STAT5B: variants seen among roughly 807,000 people sequenced by gnomAD.
STAT5B encodes transcription factor STAT5B.
In STAT5B, 21 loss-of-function variants were observed where a neutral mutation model predicts 107.8. The ratio of observed to expected loss-of-function variants is 0.19; its 90% CI spans 0.14 to 0.28. The LOEUF (loss-of-function observed/expected upper bound fraction) is 0.28. STAT5B is among the 10% of genes least tolerant of loss of function. The pLI is 1.00. For missense variants in STAT5B, 565 were observed against 1,008.2 expected, an observed-to-expected ratio of 0.56 and a Z score of 5.95; for synonymous variants, 325 against 401.7, an observed-to-expected ratio of 0.81 and a Z score of 2.28.
At chr17:42,263,096 C>T (rs2080632631) in intron 1 of STAT5B, among the ~76,000 whole-genome samples, 1 of 142,540 alleles carries the variant, frequency 7.0e-6, no homozygotes. Context: ...AGTGCAATGG[C>T]ACCATTATAG....
intron 1 of STAT5B, among the ~76,000 whole-genome samples, chr17:42,259,363 A>G (rs1002699709): frequency 1.2e-4 from 19 of 152,164 alleles, no homozygotes; most frequent in African/African-American, 4.3e-4. Context: ...CTTCAAGGAC[A>G]TGGGTAATGC....
chr17:42,256,784 C>T (rs1176243059), intron 1 of STAT5B, among the ~76,000 whole-genome samples: 1 of 146,310 alleles, frequency 6.8e-6, no homozygotes, highest in Non-Finnish European at 1.5e-5. Flanking sequence ...ATGGCATGAA[C>T]CCAGGAAGCA....
Position 42,201,354 on chromosome 17 carries a change from C to T in STAT5B, c.*384G>A, listed in dbSNP as rs1168966318. The T allele has an allele frequency of 1.8e-6, 1 of 569,434 alleles. No homozygotes were observed. Among genetic ancestry groups the T allele is most frequent in the African/African-American group, 1.9e-5 (1 of 53,428 alleles). The allele number at this position is 569,434 out of a possible 1,614,324, so 35.3% of individuals were successfully genotyped here. On this transcript the variant is annotated 3_prime_UTR_variant, in exon 19 of 19. Transcript: ENST00000293328. ...TTTGTCCTTCTCTTATTCAAACAGC[C>T]ACATGTCAAAGTCCAGCCACTCTTA...
rs775177987 is a variant in STAT5B at position 42,201,741 on chromosome 17, C to T, written c.2361G>A (p.Ser787=). Residue 787 remains serine (S), a synonymous_variant, in exon 19 of 19, where the codon TCG becomes TCA. Transcript: ENST00000293328. ...TGAAGATGGAGAGGTCGCGGGGTCA[C>T]GATTGTGCGTGCGGGATCCACTGAC... ...MDSQWIPHAQ[S] 33 of 1,596,596 alleles carry T rather than the reference C, an allele frequency of 2.1e-5. No individual in the cohort carries two copies. The highest frequency in any genetic ancestry group is 2.6e-5 in the Non-Finnish European group (30 of 1,164,122).
chr17:42,284,743 CCGGTGTGTGCTGGG>C, the STAT5B span, among the ~76,000 whole-genome samples: 1 of 152,204 alleles, frequency 6.6e-6, no homozygotes, highest in Non-Finnish European at 1.5e-5. Context: ...CTTCACTCCG[CCGGTGTGTGCTGGG>C]CTTGGGGAAG....
chr17:42,205,673 A>G (rs1231731508), intron 16 of STAT5B, among the ~76,000 whole-genome samples: 1 of 152,106 alleles, frequency 6.6e-6, no homozygotes, highest in Non-Finnish European at 1.5e-5. Context: ...ACCTTGGGGG[A>G]CTGAGGAAGG....
At chr17:42,226,363 C>T (rs2080272176) in intron 3 of STAT5B, among the ~76,000 whole-genome samples, 1 of 152,142 alleles carries the variant, frequency 6.6e-6, no homozygotes, top group Non-Finnish European at 1.5e-5. Flanking sequence ...GGATTCTGGA[C>T]TGCAGCGGGG....
intron 5 of STAT5B, among the ~76,000 whole-genome samples, chr17:42,222,025 TGTGTG>T (rs1326520142): frequency 2.2e-5 from 3 of 137,998 alleles, no homozygotes; most frequent in South Asian, 2.4e-4. Context: ...TGGTGTGGTG[TGTGTG>T]GTGTGGTGTG....
chr17:42,217,961 C>T (rs756765535), intron 9 of STAT5B, 190 bp downstream of exon 9: 1 of 971,346 alleles, frequency 1.0e-6, no homozygotes, highest in East Asian at 2.7e-5. Flanking sequence ...CCACCTCGGC[C>T]TCTTAAAGTG....
At chr17:42,213,835 C>CT (rs573947935) in intron 12 of STAT5B, among the ~76,000 whole-genome samples, 118 of 144,932 alleles carry the variant, frequency 8.1e-4, no homozygotes, top group African/African-American at 2.8e-3. Context: ...AGCTGAAAGT[C>CT]TTTTTTTTAA....
chr17:42,278,903 C>T (rs1298063167), upstream of STAT5B, among the ~76,000 whole-genome samples: 1 of 151,570 alleles, frequency 6.6e-6, no homozygotes, highest in African/African-American at 2.4e-5. Flanking sequence ...TGCTTGAACC[C>T]GAGAGGCAGA....
chr17:42,237,831 G>A (rs974464683), intron 1 of STAT5B, among the ~76,000 whole-genome samples: 14 of 152,076 alleles, frequency 9.2e-5, no homozygotes, highest in African/African-American at 3.4e-4. Context: ...TTTGTACAAT[G>A]GGAATAATAA....
rs1443411044 is a variant in STAT5B, at chr17:42,207,517, A to G, written c.2077+41T>C. 6 of 1,604,292 alleles carry G rather than the reference A, an allele frequency of 3.7e-6. No individual in the cohort carries two copies. The African/African-American group carries it at 4.3e-5, about 11-fold the overall frequency. ...CACACACACACACACACACACACAC[A>G]CACACACAACAAAATCAAATCAGAA... On this transcript the variant is annotated intron_variant, in intron 16 of 18. Transcript: ENST00000293328.
intron 13 of STAT5B, among the ~76,000 whole-genome samples, chr17:42,211,375 G>A (rs1024478844): frequency 2.6e-5 from 4 of 151,884 alleles, no homozygotes; most frequent in East Asian, 1.9e-4. Flanking sequence ...GCGTGGTGCC[G>A]CATGCCTGTA....
chr17:42,236,659 A>G (rs2080358749), intron 1 of STAT5B, among the ~76,000 whole-genome samples: 1 of 152,046 alleles, frequency 6.6e-6, no homozygotes, highest in African/African-American at 2.4e-5. Flanking sequence ...TTGGTCTTGA[A>G]CTACTGACCT....
At chr17:42,258,410 A>G (rs780746283) in intron 1 of STAT5B, among the ~76,000 whole-genome samples, 2 of 152,210 alleles carry the variant, frequency 1.3e-5, no homozygotes, top group Non-Finnish European at 2.9e-5. Context: ...TGGGCACGGT[A>G]GCTTATGCCT....
At chr17:42,213,799 G>A (rs1201910005) in intron 12 of STAT5B, among the ~76,000 whole-genome samples, 1 of 149,780 alleles carries the variant, frequency 6.7e-6, no homozygotes, top group African/African-American at 2.5e-5. Flanking sequence ...AAAGTGCTGG[G>A]ATTACAGGTG....
chr17:42,254,006 G>A (rs781685649), intron 1 of STAT5B, among the ~76,000 whole-genome samples: 6 of 152,158 alleles, frequency 3.9e-5, no homozygotes, highest in Non-Finnish European at 7.4e-5. Context: ...CATGTTATAG[G>A]TTGAAACTAT....
chr17:42,242,614 C>T (rs1292526454), intron 1 of STAT5B, among the ~76,000 whole-genome samples: 1 of 130,000 alleles, frequency 7.7e-6, no homozygotes, highest in Non-Finnish European at 1.6e-5. Flanking sequence ...CCACCCAAAA[C>T]AGGTGGAACT....
Sources: allele counts gnomAD v4.1 joint callset (sites outside exome capture counted in the v4.1 genomes callset), GRCh38; gene constraint gnomAD v4.1.1; transcripts MANE v1.5; gene names NCBI Gene and HGNC (gene_info 2026-07-23, HGNC 2026-07-21).